Variants in CDH13 observed in about 807,000 individuals in gnomAD.
CDH13 encodes the protein cadherin-13.
A neutral mutation model predicts 63.8 loss-of-function variants in CDH13; 24 were observed. That is an observed-to-expected ratio of 0.38 (90% CI 0.27 to 0.53). The LOEUF (loss-of-function observed/expected upper bound fraction) is 0.53, where lower values mean the gene tolerates loss of function less well. Among genes scored for constraint, CDH13 ranks in the 20% least tolerant of loss-of-function variants. The pLI is 0.85. For missense variants in CDH13, 1,049 were observed against 903.1 expected, an observed-to-expected ratio of 1.16 and a Z score of -2.07; for synonymous variants, 503 against 355.3, an observed-to-expected ratio of 1.42 and a Z score of -4.67.
intron 10 of CDH13, among the ~76,000 whole-genome samples, chr16:83,691,637 G>A (rs1416039282): frequency 2.0e-5 from 3 of 152,016 alleles, no homozygotes; most frequent in African/African-American, 7.3e-5. Context: ...TCCGTACAAC[G>A]GTGCTGTTAA....
intron 3 of CDH13, among the ~76,000 whole-genome samples, chr16:83,076,640 C>G (rs1037314968): frequency 6.6e-6 from 1 of 152,126 alleles, no homozygotes; most frequent in East Asian, 1.9e-4. Context: ...ACACATCACA[C>G]ACACACACAC....
At chr16:82,690,966 G>A (rs1001813859) in intron 1 of CDH13, among the ~76,000 whole-genome samples, 3 of 152,236 alleles carry the variant, frequency 2.0e-5, no homozygotes, top group South Asian at 2.1e-4. Flanking sequence ...TAAAGGTTGA[G>A]AGGAAAGCCA....
At chr16:83,026,679 TTGCTA>T (rs1291570852) in intron 2 of CDH13, among the ~76,000 whole-genome samples, 9 of 152,148 alleles carry the variant, frequency 5.9e-5, no homozygotes, top group South Asian at 2.1e-4. Flanking sequence ...TGCTATAGAA[TTGCTA>T]TGAGGCTGAA....
chr16:82,812,922 A>G (rs568793198), intron 1 of CDH13, among the ~76,000 whole-genome samples: 72 of 152,030 alleles, frequency 4.7e-4, no homozygotes, highest in African/African-American at 1.7e-3. Flanking sequence ...GAGAGAAGGG[A>G]TTTATGATGG....
At chr16:82,922,032 A>C (rs1371609555) in intron 2 of CDH13, among the ~76,000 whole-genome samples, 1 of 152,166 alleles carries the variant, frequency 6.6e-6, no homozygotes, top group African/African-American at 2.4e-5. Context: ...TTTCATCTAA[A>C]TAGTCTAACT....
chr16:83,318,172 C>A (rs996070451), intron 5 of CDH13, among the ~76,000 whole-genome samples: 5 of 152,302 alleles, frequency 3.3e-5, no homozygotes, highest in Admixed American at 2.6e-4. Flanking sequence ...GCTTAAGCTG[C>A]TGCTGCTTTT....
intron 2 of CDH13, among the ~76,000 whole-genome samples, chr16:82,997,119 CTGATGGTGG>C (rs1055687446): frequency 5.1e-5 from 6 of 116,764 alleles, no homozygotes; most frequent in Admixed American, 1.6e-4. Flanking sequence ...GGTGGTGATG[CTGATGGTGG>C]TGATGGTGGT....
chr16:82,967,010 A>G (rs998429626), intron 2 of CDH13, among the ~76,000 whole-genome samples: 10 of 152,244 alleles, frequency 6.6e-5, no homozygotes, highest in African/African-American at 2.2e-4. Context: ...ATTGCCTCAG[A>G]TCTCATGTCT....
chr16:83,192,497 C>A (rs767966660), intron 4 of CDH13, among the ~76,000 whole-genome samples: 1 of 152,132 alleles, frequency 6.6e-6, no homozygotes, highest in Non-Finnish European at 1.5e-5. Flanking sequence ...TTGTGATTCC[C>A]AGCTCTCCCT....
intron 5 of CDH13, among the ~76,000 whole-genome samples, chr16:83,280,012 T>C (rs1006895179): frequency 1.3e-5 from 2 of 152,242 alleles, no homozygotes; most frequent in African/African-American, 4.8e-5. Context: ...GTAAAGAGTC[T>C]TGCCGCAATG....
intron 1 of CDH13, among the ~76,000 whole-genome samples, chr16:82,742,091 G>A (rs954339389): frequency 6.6e-6 from 1 of 151,380 alleles, no homozygotes; most frequent in African/African-American, 2.4e-5. Context: ...GGGCCAAAAC[G>A]TCTGCCATTA....
At chr16:83,709,340 G>C (rs371358) in intron 10 of CDH13, among the ~76,000 whole-genome samples, 2 of 152,030 alleles carry the variant, frequency 1.3e-5, no homozygotes, top group Non-Finnish European at 2.9e-5. Context: ...ACAGGAACCT[G>C]AGATATTAAC....
chr16:83,197,616 G>C (rs1461747482), intron 4 of CDH13, among the ~76,000 whole-genome samples: 1 of 152,162 alleles, frequency 6.6e-6, no homozygotes, highest in Non-Finnish European at 1.5e-5. Flanking sequence ...ATCTGTGAGG[G>C]AAGAGGCAGT....
intron 2 of CDH13, among the ~76,000 whole-genome samples, chr16:82,978,949 G>T (rs1318506233): frequency 2.0e-5 from 3 of 152,190 alleles, no homozygotes; most frequent in Non-Finnish European, 2.9e-5. Flanking sequence ...CAGCCGGGAG[G>T]GGGGTTGTAC....
chr16:82,927,304 C>T (rs755557121), intron 2 of CDH13, among the ~76,000 whole-genome samples: 19 of 152,126 alleles, frequency 1.2e-4, no homozygotes, highest in Non-Finnish European at 1.9e-4. Context: ...CTCCTACTCA[C>T]GGAGAGTCAT....
At chr16:83,699,146 C>T (rs1905835107) in intron 10 of CDH13, among the ~76,000 whole-genome samples, 1 of 152,240 alleles carries the variant, frequency 6.6e-6, no homozygotes, top group Admixed American at 6.5e-5. Flanking sequence ...ACTTATAAGA[C>T]ATGGCCCCCA....
chr16:83,438,685 C>CTAAA (rs1220873424), intron 6 of CDH13, among the ~76,000 whole-genome samples: 1 of 152,196 alleles, frequency 6.6e-6, no homozygotes, highest in Non-Finnish European at 1.5e-5. Context: ...CGTTCTTTCC[C>CTAAA]ACAAATCCCT....
At chr16:83,032,335 G>T in intron 3 of CDH13, 117 bp downstream of exon 3, 2 of 776,248 alleles carry the variant, frequency 2.6e-6, no homozygotes, top group Non-Finnish European at 4.1e-6. Context: ...TGTTATTGTT[G>T]TTGCAAATGA....
intron 7 of CDH13, among the ~76,000 whole-genome samples, chr16:83,593,333 T>C (rs1438793701): frequency 1.3e-5 from 2 of 152,222 alleles, no homozygotes; most frequent in Non-Finnish European, 2.9e-5. Flanking sequence ...TCTTACAGCC[T>C]TCCTTGACTC....
Sources: gnomAD v4.1 joint callset for allele counts (sites outside exome capture counted in the v4.1 genomes callset) on GRCh38, gnomAD v4.1.1 for gene constraint, MANE v1.5 for transcripts, NCBI Gene and HGNC (gene_info 2026-07-23, HGNC 2026-07-21) for gene names.